Variants in LINGO2 observed in about 807,000 individuals in gnomAD.
LINGO2 encodes leucine rich repeat and Ig domain containing 2.
LINGO2 carries 14 observed loss-of-function variants against 30.6 expected under a neutral mutation model. The ratio of observed to expected loss-of-function variants is 0.46; its 90% CI spans 0.30 to 0.72. LINGO2 has a LOEUF of 0.72. LINGO2 is among the 30% of genes least tolerant of loss of function. The probability of loss-of-function intolerance (pLI) is 0.07; values close to 1 mark genes in which losing one functional copy is unlikely to be tolerated. For missense variants in LINGO2, 729 were observed against 751.7 expected (o/e 0.97, Z 0.35); for synonymous variants, 317 against 288.5 (o/e 1.10, Z -1.00).
intron 1 of LINGO2, among the ~76,000 whole-genome samples, chr9:28,550,081 T>A (rs1229374270): frequency 6.6e-6 from 1 of 151,910 alleles, no homozygotes; most frequent in African/African-American, 2.4e-5. Flanking sequence ...TTAAATTCAA[T>A]GTGTCTAAAT....
At chr9:28,708,669 G>T in the LINGO2 span, among the ~76,000 whole-genome samples, 2 of 152,000 alleles carry the variant, frequency 1.3e-5, no homozygotes, top group Admixed American at 1.3e-4. Flanking sequence ...TGTACACGGT[G>T]CTTCTTCGTG....
chr9:29,160,971 C>T, the LINGO2 span, among the ~76,000 whole-genome samples: 1 of 152,256 alleles, frequency 6.6e-6, no homozygotes, highest in Admixed American at 6.5e-5. Flanking sequence ...GTGCACAGGG[C>T]TCAGTTCAGC....
intron 4 of LINGO2, among the ~76,000 whole-genome samples, chr9:28,039,277 A>G (rs1365564766): frequency 6.6e-6 from 1 of 152,250 alleles, no homozygotes; most frequent in East Asian, 1.9e-4. Flanking sequence ...GGCTAATAAA[A>G]GGAAAAGGCC....
At chr9:29,129,428 A>C in the LINGO2 span, among the ~76,000 whole-genome samples, 1 of 152,094 alleles carries the variant, frequency 6.6e-6, no homozygotes, top group Non-Finnish European at 1.5e-5. Context: ...CTCATTGGCT[A>C]TCTAGGTCAT....
At chr9:28,132,862 C>T (rs1001041124) in intron 4 of LINGO2, among the ~76,000 whole-genome samples, 3 of 152,336 alleles carry the variant, frequency 2.0e-5, no homozygotes, top group Non-Finnish European at 4.4e-5. Flanking sequence ...TGGGCACTTA[C>T]GTGAATAGTG....
At chr9:28,686,801 T>C in the LINGO2 span, among the ~76,000 whole-genome samples, 1 of 152,056 alleles carries the variant, frequency 6.6e-6, no homozygotes, top group African/African-American at 2.4e-5. Context: ...TTGGCTTAAA[T>C]TACACCAGAA....
rs1444698493 is a variant in LINGO2 at position 28,296,951 on chromosome 9, T to G, written c.-245-1585A>C. ...TTTGAAGATCTTCTGGAAATTATCA[T>G]ATCACTTATTTTATAAAACAAACCT... On this transcript the variant is annotated intron_variant, in intron 3 of 5. Coordinates refer to ENST00000379992, the Ensembl canonical transcript of LINGO2. 4.6e-5 allele frequency among the ~76,000 whole-genome samples: 7 copies of G among 152,344 alleles called. No individual in the cohort carries two copies. In the East Asian group the frequency reaches 1.3e-3, roughly 29 times the overall value.
At chr9:28,679,936 A>T in the LINGO2 span, among the ~76,000 whole-genome samples, 1 of 151,110 alleles carries the variant, frequency 6.6e-6, no homozygotes, top group African/African-American at 2.4e-5. Context: ...TCACATACTT[A>T]CCGTTTTTTT....
At chr9:28,550,934 A>C (rs1328171794) in intron 1 of LINGO2, among the ~76,000 whole-genome samples, 1 of 151,904 alleles carries the variant, frequency 6.6e-6, no homozygotes, top group Non-Finnish European at 1.5e-5. Flanking sequence ...AATGATAAAT[A>C]TCCAAATCAG....
chr9:29,097,190 T>C, the LINGO2 span, among the ~76,000 whole-genome samples: 1 of 138,766 alleles, frequency 7.2e-6, no homozygotes, highest in Non-Finnish European at 1.6e-5. Flanking sequence ...TGTATTATAC[T>C]TTAGAGAGGA....
intron 4 of LINGO2, among the ~76,000 whole-genome samples, chr9:28,108,528 C>A (rs1826667040): frequency 1.3e-5 from 2 of 151,960 alleles, no homozygotes; most frequent in Admixed American, 6.6e-5. Context: ...ACATCAAATC[C>A]AAGAAGGAGA....
chr9:28,204,307 G>A (rs1036418607), intron 4 of LINGO2, among the ~76,000 whole-genome samples: 3 of 151,974 alleles, frequency 2.0e-5, no homozygotes, highest in Admixed American at 6.6e-5. Flanking sequence ...GAGTCATTTT[G>A]AGTCTTTTGT....
chr9:29,080,858 T>G, the LINGO2 span, among the ~76,000 whole-genome samples: 928 of 152,188 alleles, frequency 6.1e-3, 13 homozygotes, highest in African/African-American at 0.021. Context: ...GAGGAGTGCT[T>G]TACTTCCAAC....
chr9:28,689,116 T>C, the LINGO2 span, among the ~76,000 whole-genome samples: 1 of 152,194 alleles, frequency 6.6e-6, no homozygotes, highest in Admixed American at 6.5e-5. Context: ...TCTGCTCTAG[T>C]CCTTTTCATA....
intron 4 of LINGO2, among the ~76,000 whole-genome samples, chr9:28,040,140 A>C (rs1427815894): frequency 2.6e-5 from 4 of 152,076 alleles, no homozygotes; most frequent in Admixed American, 2.6e-4. Context: ...CTTCCTTATA[A>C]ACTAAATTTT....
chr9:28,800,750 T>A, the LINGO2 span, among the ~76,000 whole-genome samples: 1 of 152,044 alleles, frequency 6.6e-6, no homozygotes, highest in Non-Finnish European at 1.5e-5. Context: ...AGGAAAATAA[T>A]ATGCCAGTCT....
the LINGO2 span, among the ~76,000 whole-genome samples, chr9:29,150,578 T>C: frequency 1.3e-5 from 2 of 152,136 alleles, no homozygotes; most frequent in East Asian, 1.9e-4. Flanking sequence ...AAAAAGCAAA[T>C]TGAATGTCTG....
the LINGO2 span, among the ~76,000 whole-genome samples, chr9:29,007,145 G>C: frequency 6.6e-6 from 1 of 152,022 alleles, no homozygotes; most frequent in Non-Finnish European, 1.5e-5. Context: ...CTTTATCAAA[G>C]GTAATGGTAG....
At chr9:29,193,908 A>C in the LINGO2 span, among the ~76,000 whole-genome samples, 3 of 152,178 alleles carry the variant, frequency 2.0e-5, no homozygotes, top group African/African-American at 7.2e-5. Context: ...ATTCTACTGC[A>C]GGCTTGTGGG....
Sources: gnomAD v4.1 joint callset for allele counts (sites outside exome capture counted in the v4.1 genomes callset) on GRCh38, gnomAD v4.1.1 for gene constraint, MANE v1.5 for transcripts, NCBI Gene and HGNC (gene_info 2026-07-23, HGNC 2026-07-21) for gene names.